GRIA1: variants seen among roughly 807,000 people sequenced by gnomAD.
GRIA1 encodes glutamate receptor 1.
In GRIA1, 31 loss-of-function variants were observed where a neutral mutation model predicts 99.2. The ratio of observed to expected loss-of-function variants is 0.31; its 90% CI spans 0.23 to 0.42. The LOEUF (loss-of-function observed/expected upper bound fraction) is 0.42, where lower values mean the gene tolerates loss of function less well. Ranked by LOEUF, GRIA1 falls within the 10% of genes least tolerant of loss-of-function variation. GRIA1 has a pLI of 1.00. For synonymous variants in GRIA1, 438 were observed against 432.4 expected (o/e 1.01, Z -0.16); for missense variants, 782 against 1,157.5 (o/e 0.68, Z 4.71).
chr5:153,764,769 A>G, intron 12 of GRIA1, 137 bp downstream of exon 12: 1 of 638,714 alleles, frequency 1.6e-6, no homozygotes, highest in Non-Finnish European at 2.8e-6. Flanking sequence ...AGGGAAACTC[A>G]GGACATTTCT....
At chr5:153,718,317 T>G (rs1443584265) in intron 11 of GRIA1, among the ~76,000 whole-genome samples, 1 of 152,138 alleles carries the variant, frequency 6.6e-6, no homozygotes, top group Admixed American at 6.5e-5. Context: ...TAAAATGATC[T>G]GGGCTGGCTT....
intron 2 of GRIA1, among the ~76,000 whole-genome samples, chr5:153,562,002 G>C (rs1197178209): frequency 6.6e-6 from 1 of 152,232 alleles, no homozygotes; most frequent in East Asian, 1.9e-4. Flanking sequence ...ATGGTGAATA[G>C]AGCATTTTGG....
At chr5:153,538,470 G>C (rs1381124145) in intron 2 of GRIA1, among the ~76,000 whole-genome samples, 1 of 152,016 alleles carries the variant, frequency 6.6e-6, no homozygotes, top group East Asian at 1.9e-4. Flanking sequence ...TGCTTCCCCA[G>C]CAACTGGTAG....
chr5:153,746,447 A>G (rs1762164699), intron 11 of GRIA1, among the ~76,000 whole-genome samples: 1 of 152,154 alleles, frequency 6.6e-6, no homozygotes, highest in Non-Finnish European at 1.5e-5. Flanking sequence ...TTTATCTCCC[A>G]TTTGCTTATG....
intron 12 of GRIA1, among the ~76,000 whole-genome samples, chr5:153,765,646 T>C (rs561614538): frequency 6.6e-6 from 1 of 152,196 alleles, no homozygotes; most frequent in East Asian, 1.9e-4. Context: ...AACCTGTGGT[T>C]TCCCTGGACT....
At chr5:153,608,338 T>C (rs964871610) in intron 2 of GRIA1, among the ~76,000 whole-genome samples, 1 of 152,210 alleles carries the variant, frequency 6.6e-6, no homozygotes, top group Non-Finnish European at 1.5e-5. Context: ...TCTTCAGACA[T>C]CATTTATGTG....
chr5:153,800,765 G>A (rs1765959544), intron 14 of GRIA1, among the ~76,000 whole-genome samples: 1 of 152,180 alleles, frequency 6.6e-6, no homozygotes, highest in Non-Finnish European at 1.5e-5. Context: ...CTAGAACTAG[G>A]GCAGAGGCCA....
chr5:153,676,913 A>T (rs1381930255), intron 6 of GRIA1, 81 bp from the exon 7 acceptor site: 4 of 1,183,206 alleles, frequency 3.4e-6, no homozygotes, highest in Non-Finnish European at 4.4e-6. Flanking sequence ...TCACCAGAAA[A>T]CACATTCCCA....
chr5:153,638,836 A>C (rs921561451), intron 2 of GRIA1, among the ~76,000 whole-genome samples: 1 of 152,236 alleles, frequency 6.6e-6, no homozygotes, highest in African/African-American at 2.4e-5. Flanking sequence ...CTTTCAGTTT[A>C]TAGCTAGGAG....
At chr5:153,681,236 A>C (rs2149491889) in intron 7 of GRIA1, among the ~76,000 whole-genome samples, 1 of 152,286 alleles carries the variant, frequency 6.6e-6, no homozygotes, top group African/African-American at 2.4e-5. Flanking sequence ...GAACTGAGTA[A>C]GAACTTATTC....
rs1340983415 is a variant in GRIA1, at chr5:153,805,644, G to A, written c.2520+3154G>A. Among the ~76,000 whole-genome samples the A allele has an allele frequency of 3.9e-5, 6 of 152,304 alleles. No homozygotes were observed. The East Asian group carries it at 9.6e-4, about 24-fold the overall frequency. ...CAATAATCATAACCAGTGCCAGGTG[G>A]TGGTGCCAGAGTGGCTAATGCCTGG... On this transcript the variant is annotated intron_variant, in intron 15 of 15. Coordinates refer to ENST00000285900, the MANE Select transcript of GRIA1 (RefSeq NM_000827.4).
intron 10 of GRIA1, among the ~76,000 whole-genome samples, 191 bp downstream of exon 10, chr5:153,699,264 G>A (rs1046299746): frequency 9.8e-5 from 15 of 152,298 alleles, no homozygotes; most frequent in Middle Eastern, 3.4e-3. Flanking sequence ...CTGGTCCCAG[G>A]TCCCTCAATC....
chr5:153,809,720 C>T (rs1355632176), intron 15 of GRIA1, among the ~76,000 whole-genome samples: 1 of 152,202 alleles, frequency 6.6e-6, no homozygotes, highest in Non-Finnish European at 1.5e-5. Flanking sequence ...GAAGACATGG[C>T]CCTTGCCCTC....
chr5:153,704,310 G>C (rs1167851378), intron 10 of GRIA1, among the ~76,000 whole-genome samples: 2 of 152,218 alleles, frequency 1.3e-5, no homozygotes, highest in African/African-American at 4.8e-5. Context: ...GACCTGCATA[G>C]GCATGTCTCT....
At chr5:153,747,353 G>A (rs1762223595) in intron 11 of GRIA1, among the ~76,000 whole-genome samples, 1 of 152,010 alleles carries the variant, frequency 6.6e-6, no homozygotes, top group South Asian at 2.1e-4. Flanking sequence ...CCATAGGGAG[G>A]GCACCAAGTC....
At chr5:153,555,547 T>C (rs1760557894) in intron 2 of GRIA1, among the ~76,000 whole-genome samples, 2 of 152,168 alleles carry the variant, frequency 1.3e-5, no homozygotes, top group Admixed American at 6.5e-5. Context: ...GGCAGGTATT[T>C]TCCCCCTTCC....
chr5:153,756,168 C>G (rs1762814628), intron 11 of GRIA1, among the ~76,000 whole-genome samples: 1 of 152,228 alleles, frequency 6.6e-6, no homozygotes, highest in African/African-American at 2.4e-5. Context: ...TCACTCATAC[C>G]TCACAGACCA....
At position 153,650,474 on chromosome 5, in the gene GRIA1, T is replaced by C; in HGVS notation, c.605T>C (p.Val202Ala). ...AAGAAAAAGGAGCGGCTGGTGGTGG[T>C]GGACTGTGAATCAGAACGCCTCAAT... ...LEKKKERLVV[V>A]DCESERLNAI... The change falls in exon 4 of 16, where the codon GTG becomes GCG. Residue 202 changes from valine (V) to alanine (A), a missense_variant. By Grantham distance (64) the Val-to-Ala change is moderately conservative (BLOSUM62 0). This residue lies in a region of GRIA1 where 461 missense variants were observed against 521.7 expected (regional missense o/e 0.88). Transcript: ENST00000285900. 1 of 1,613,806 alleles carries C rather than the reference T, an allele frequency of 6.2e-7. No homozygotes were observed. Among genetic ancestry groups the C allele is most frequent in the South Asian group, 1.1e-5 (1 of 91,062 alleles).
chr5:153,653,614 C>T (rs1349058971), intron 4 of GRIA1, among the ~76,000 whole-genome samples: 1 of 152,184 alleles, frequency 6.6e-6, no homozygotes, highest in African/African-American at 2.4e-5. Context: ...TTATCCATCA[C>T]ATCCCCCTAT....
Sources: gnomAD v4.1 joint callset for allele counts (sites outside exome capture counted in the v4.1 genomes callset) on GRCh38, gnomAD v4.1.1 for gene constraint, gnomAD v4.1.1 regional missense constraint, MANE v1.5 for transcripts, NCBI Gene and HGNC (gene_info 2026-07-23, HGNC 2026-07-21) for gene names.